Variants in MACROD2 observed in about 807,000 individuals in gnomAD.
MACROD2 encodes the protein ADP-ribose glycohydrolase MACROD2.
In MACROD2, 36 loss-of-function variants were observed where a neutral mutation model predicts 70.4. The ratio of observed to expected loss-of-function variants is 0.51; its 90% CI spans 0.39 to 0.68. The LOEUF (loss-of-function observed/expected upper bound fraction) is 0.68. Ranked by LOEUF, MACROD2 falls within the 30% of genes least tolerant of loss-of-function variation. MACROD2 has a pLI of 0.00. For missense variants in MACROD2, 496 were observed against 538.4 expected, an observed-to-expected ratio of 0.92 and a Z score of 0.78; for synonymous variants, 172 against 178.8, an observed-to-expected ratio of 0.96 and a Z score of 0.30.
chr20:14,274,110 A>G (rs2082226482), intron 3 of MACROD2, among the ~76,000 whole-genome samples: 1 of 152,214 alleles, frequency 6.6e-6, no homozygotes. Flanking sequence ...ATTCCAATCA[A>G]TAGAAGAAGA....
chr20:15,836,932 A>G (rs1398279413), intron 8 of MACROD2, among the ~76,000 whole-genome samples: 1 of 152,214 alleles, frequency 6.6e-6, no homozygotes, highest in African/African-American at 2.4e-5. Flanking sequence ...GCCTTGCTAA[A>G]TGGAAACCAC....
At chr20:14,886,735 C>T (rs573225825) in intron 5 of MACROD2, among the ~76,000 whole-genome samples, 3 of 152,196 alleles carry the variant, frequency 2.0e-5, no homozygotes, top group South Asian at 2.1e-4. Context: ...AGCTCCCGTG[C>T]TAATCTTTAA....
intron 5 of MACROD2, among the ~76,000 whole-genome samples, chr20:15,177,277 C>T (rs1182511726): frequency 6.6e-6 from 1 of 152,204 alleles, no homozygotes; most frequent in Non-Finnish European, 1.5e-5. Context: ...CATGACAATA[C>T]TATTTGAATT....
At chr20:14,403,373 C>T (rs966191461) in intron 3 of MACROD2, among the ~76,000 whole-genome samples, 1 of 152,016 alleles carries the variant, frequency 6.6e-6, no homozygotes, top group Non-Finnish European at 1.5e-5. Context: ...TTTACACATC[C>T]CCCTGCCCTC....
chr20:14,803,550 G>A (rs993505695), intron 5 of MACROD2, among the ~76,000 whole-genome samples: 3 of 151,850 alleles, frequency 2.0e-5, no homozygotes, highest in Non-Finnish European at 2.9e-5. Context: ...GTGCAATCTC[G>A]GCTCACTGCA....
chr20:15,968,795 G>T (rs2066181030), intron 13 of MACROD2, among the ~76,000 whole-genome samples: 2 of 69,806 alleles, frequency 2.9e-5, no homozygotes, highest in African/African-American at 4.7e-5. Context: ...TATATATTAT[G>T]CGTATATATA....
intron 5 of MACROD2, among the ~76,000 whole-genome samples, chr20:14,938,329 CT>C (rs1481867850): frequency 6.6e-6 from 1 of 152,060 alleles, no homozygotes; most frequent in East Asian, 1.9e-4. Context: ...AAGGGTTTCC[CT>C]TTCTTTAGAT....
intron 7 of MACROD2, among the ~76,000 whole-genome samples, chr20:15,484,804 A>G (rs1448856217): frequency 6.6e-6 from 1 of 152,098 alleles, no homozygotes; most frequent in Admixed American, 6.5e-5. Context: ...ACTGGTCCAC[A>G]TGGAGCCTCT....
At chr20:15,205,722 GT>G (rs2076695722) in intron 5 of MACROD2, among the ~76,000 whole-genome samples, 1 of 152,226 alleles carries the variant, frequency 6.6e-6, no homozygotes, top group African/African-American at 2.4e-5. Context: ...TTCTTTGTTG[GT>G]GTTGGGATGG....
intron 8 of MACROD2, among the ~76,000 whole-genome samples, chr20:15,602,253 G>A (rs2048832482): frequency 6.6e-6 from 1 of 152,158 alleles, no homozygotes; most frequent in Non-Finnish European, 1.5e-5. Flanking sequence ...GCCCACATCT[G>A]ATGACCAATC....
At chr20:15,061,802 C>G (rs1163223805) in intron 5 of MACROD2, among the ~76,000 whole-genome samples, 1 of 152,196 alleles carries the variant, frequency 6.6e-6, no homozygotes, top group East Asian at 1.9e-4. Context: ...CTGGAAGCCT[C>G]CAAATGAATT....
Position 14,005,545 on chromosome 20 carries a change from G to A in MACROD2, c.163+3141G>A, listed in dbSNP as rs6131545. ...ATGGGTTGGTGGGGCTTAATCGTAA[G>A]TTAAATAAGAATGCCTGAAGAGTTA... is the stretch of plus-strand genomic sequence containing the variant. On this transcript the variant is annotated intron_variant, in intron 2 of 17. Transcript: ENST00000684519. 7.6e-4 allele frequency among the ~76,000 whole-genome samples: 115 copies of A among 151,864 alleles called. No homozygotes were observed. In the East Asian group the frequency reaches 0.022, roughly 29 times the overall value.
At chr20:15,735,585 T>A (rs2051007760) in intron 8 of MACROD2, among the ~76,000 whole-genome samples, 1 of 152,146 alleles carries the variant, frequency 6.6e-6, no homozygotes, top group African/African-American at 2.4e-5. Context: ...TAAATGGAAT[T>A]GATTGCTTTT....
intron 8 of MACROD2, among the ~76,000 whole-genome samples, chr20:15,800,779 G>T (rs913487059): frequency 4.6e-5 from 7 of 152,018 alleles, no homozygotes; most frequent in Admixed American, 3.3e-4. Context: ...TTGAGAAATC[G>T]GATGGTTGCT....
At position 15,902,366 on chromosome 20, in the gene MACROD2, A is replaced by G. The variant is rs111290266; in HGVS notation, c.775+16555A>G. On this transcript the variant is annotated intron_variant, in intron 10 of 17. Coordinates refer to ENST00000684519, the MANE Select transcript of MACROD2 (RefSeq NM_001351661.2). ...TTCTATATATAAAATAGAGGCCTCT[A>G]CTCTCTTGGGGCTTTTATTCTAGGG... Among the ~76,000 whole-genome samples, 710 of 151,838 alleles carry G rather than the reference A, an allele frequency of 4.7e-3. 2 individuals are homozygous for G. The highest frequency in any genetic ancestry group is 0.01 in the Middle Eastern group (3 of 294).
chr20:15,536,919 C>T (rs1368194105), intron 8 of MACROD2, among the ~76,000 whole-genome samples: 1 of 152,134 alleles, frequency 6.6e-6, no homozygotes, highest in Non-Finnish European at 1.5e-5. Context: ...TGGATAATCT[C>T]ACTACTGCTT....
intron 10 of MACROD2, among the ~76,000 whole-genome samples, chr20:15,895,616 G>A (rs1444192950): frequency 6.6e-6 from 1 of 152,206 alleles, no homozygotes; most frequent in Non-Finnish European, 1.5e-5. Context: ...TTTCCTGGGG[G>A]CTTTCATACA....
Position 15,237,950 on chromosome 20 carries a change from G to A in MACROD2, c.540+7889G>A, listed in dbSNP as rs901819680. The stretch of plus-strand genomic sequence containing the variant: ...GTATTTGCTAGAAGATGCTGTGGAT[G>A]GGCATGTGCTAGAATGATGAGAACT... On this transcript the variant is annotated intron_variant, in intron 6 of 17. Coordinates refer to ENST00000684519, the MANE Select transcript of MACROD2 (RefSeq NM_001351661.2). Among the ~76,000 whole-genome samples, 6 of 152,210 alleles carry A rather than the reference G, an allele frequency of 3.9e-5. 1 individual carries two copies. The South Asian group carries it at 1.2e-3, about 32-fold the overall frequency.
chr20:15,871,333 CA>C (rs2147181623), intron 9 of MACROD2, among the ~76,000 whole-genome samples: 1 of 152,138 alleles, frequency 6.6e-6, no homozygotes. Flanking sequence ...TCTTTAAAAG[CA>C]AACAAAAGAA....
Sources: allele counts gnomAD v4.1 joint callset (sites outside exome capture counted in the v4.1 genomes callset), GRCh38; gene constraint gnomAD v4.1.1; transcripts MANE v1.5; gene names NCBI Gene and HGNC (gene_info 2026-07-23, HGNC 2026-07-21).